The following UBE2E2 variants were observed in gnomAD, a reference collection of about 807,000 sequenced individuals.
UBE2E2 encodes the protein ubiquitin conjugating enzyme E2 E2, also known as ubiquitin-conjugating enzyme E2 E2.
UBE2E2 carries 6 observed loss-of-function variants against 24.7 expected under a neutral mutation model. That is an observed-to-expected ratio of 0.24 (90% confidence interval 0.13 to 0.48). The LOEUF is 0.48. Ranked by LOEUF, UBE2E2 falls within the 20% of genes least tolerant of loss-of-function variation. The pLI, the probability that UBE2E2 is intolerant of heterozygous loss-of-function variation, is 0.99. For synonymous variants in UBE2E2, 104 were observed against 83.6 expected (o/e 1.24, Z -1.33); for missense variants, 169 against 245.0 (o/e 0.69, Z 2.07).
intron 4 of UBE2E2, among the ~76,000 whole-genome samples, chr3:23,520,865 A>G (rs961533565): frequency 2.6e-5 from 4 of 151,948 alleles, no homozygotes; most frequent in Admixed American, 2.6e-4. Flanking sequence ...CTGGTCTCAG[A>G]TTTCTGGCCT....
chr3:23,575,593 A>G (rs1025352487), intron 5 of UBE2E2, among the ~76,000 whole-genome samples: 1 of 152,196 alleles, frequency 6.6e-6, no homozygotes, highest in Non-Finnish European at 1.5e-5. Flanking sequence ...ATACAGGTAC[A>G]ACGACAGATT....
intron 3 of UBE2E2, among the ~76,000 whole-genome samples, chr3:23,314,600 G>C (rs1199296438): frequency 6.6e-6 from 1 of 152,088 alleles, no homozygotes; most frequent in African/African-American, 2.4e-5. Context: ...TTTTCTTTCA[G>C]ATTGAAGAAT....
chr3:23,536,721 G>T (rs1340458254), intron 5 of UBE2E2, among the ~76,000 whole-genome samples: 1 of 152,206 alleles, frequency 6.6e-6, no homozygotes, highest in Non-Finnish European at 1.5e-5. Context: ...AATCCAGAAA[G>T]ATTGTAGATG....
chr3:23,470,763 T>C (rs1392145555), intron 3 of UBE2E2, among the ~76,000 whole-genome samples: 1 of 152,166 alleles, frequency 6.6e-6, no homozygotes, highest in Non-Finnish European at 1.5e-5. Flanking sequence ...TTAATAAGTA[T>C]ATATTCTGTT....
intron 3 of UBE2E2, among the ~76,000 whole-genome samples, chr3:23,301,281 A>G (rs565402408): frequency 2.0e-4 from 30 of 152,300 alleles, no homozygotes; most frequent in Admixed American, 9.8e-4. Context: ...TCTTCTCTCA[A>G]CTAATCAAAG....
chr3:23,320,676 C>T (rs1016690773), intron 3 of UBE2E2, among the ~76,000 whole-genome samples: 2 of 152,194 alleles, frequency 1.3e-5, no homozygotes, highest in African/African-American at 4.8e-5. Flanking sequence ...TAGCACAGAA[C>T]ATCCCTCTGA....
intron 5 of UBE2E2, among the ~76,000 whole-genome samples, chr3:23,544,997 T>C (rs1209444130): frequency 1.3e-5 from 2 of 152,182 alleles, no homozygotes; most frequent in East Asian, 3.9e-4. Context: ...CACATAAACA[T>C]CTCAATGCTT....
chr3:23,347,684 C>A (rs1321128244), intron 3 of UBE2E2, among the ~76,000 whole-genome samples: 1 of 152,080 alleles, frequency 6.6e-6, no homozygotes, highest in Admixed American at 6.5e-5. Context: ...CACATGTACC[C>A]TAAAACTTAA....
intron 3 of UBE2E2, among the ~76,000 whole-genome samples, chr3:23,432,431 G>A (rs1275595592): frequency 6.6e-6 from 1 of 151,892 alleles, no homozygotes; most frequent in Non-Finnish European, 1.5e-5. Context: ...ATTACTATAG[G>A]ACTTTAAACA....
At chr3:23,298,325 T>C (rs1158174654) in intron 3 of UBE2E2, among the ~76,000 whole-genome samples, 2 of 151,738 alleles carry the variant, frequency 1.3e-5, no homozygotes, top group Non-Finnish European at 3.0e-5. Flanking sequence ...CAACACTATG[T>C]TGAATAGGAG....
intron 3 of UBE2E2, among the ~76,000 whole-genome samples, chr3:23,376,645 G>T (rs1485983614): frequency 6.6e-6 from 1 of 152,008 alleles, no homozygotes; most frequent in Non-Finnish European, 1.5e-5. Flanking sequence ...GTTACCACAG[G>T]TAAGGTCCCT....
rs368285585 is a variant in UBE2E2 at position 23,384,801 on chromosome 3, A to G, written c.228-114807A>G. 3.9e-5 allele frequency among the ~76,000 whole-genome samples: 6 copies of G among 152,188 alleles called. No homozygotes were observed. In the East Asian group the frequency reaches 7.7e-4, roughly 20 times the overall value. On this transcript the variant is annotated intron_variant, in intron 3 of 5. Transcript: ENST00000396703. Reference sequence around the variant, plus strand: ...CGTGATCCGCCCACCTCGGCGTCCAAAAGTGCTGGGATTACAGGCGTGAGC... The same window carrying G: ...CGTGATCCGCCCACCTCGGCGTCCAGAAGTGCTGGGATTACAGGCGTGAGC...
chr3:23,482,736 G>A (rs1699284287), intron 3 of UBE2E2, among the ~76,000 whole-genome samples: 2 of 152,242 alleles, frequency 1.3e-5, no homozygotes, highest in Admixed American at 6.5e-5. Context: ...CCAGGTTTAT[G>A]AGATTAAATA....
chr3:23,460,954 T>C (rs1430929931), intron 3 of UBE2E2, among the ~76,000 whole-genome samples: 1 of 152,228 alleles, frequency 6.6e-6, no homozygotes, highest in Non-Finnish European at 1.5e-5. Context: ...TATTTTTGAT[T>C]TCTGCAGAAA....
chr3:23,486,274 A>G (rs967991321), intron 3 of UBE2E2, among the ~76,000 whole-genome samples: 7 of 152,170 alleles, frequency 4.6e-5, no homozygotes, highest in Non-Finnish European at 1.0e-4. Context: ...CAGATACACC[A>G]CAAGAGGCTT....
chr3:23,491,107 C>T lies in UBE2E2; in HGVS notation c.228-8501C>T, dbSNP rs530232181. Among the ~76,000 whole-genome samples, 20 of 152,218 alleles carry T rather than the reference C, an allele frequency of 1.3e-4. No homozygotes were observed. In the South Asian group the frequency reaches 2.5e-3, roughly 19 times the overall value. On this transcript the variant is annotated intron_variant, in intron 3 of 5. Coordinates refer to ENST00000396703, the MANE Select transcript of UBE2E2 (RefSeq NM_152653.4). Reference sequence around the variant, plus strand: ...GTATGAAATGGGTCTTTTCTATCAGCGCTATTATATCCTAACTTCCTAAGA... The same window carrying T: ...GTATGAAATGGGTCTTTTCTATCAGTGCTATTATATCCTAACTTCCTAAGA...
intron 5 of UBE2E2, among the ~76,000 whole-genome samples, chr3:23,574,346 T>G (rs984113659): frequency 1.3e-5 from 2 of 152,162 alleles, no homozygotes; most frequent in Non-Finnish European, 2.9e-5. Context: ...AAAAATAATT[T>G]AATTGTACAT....
chr3:23,369,780 A>G (rs910005210), intron 3 of UBE2E2, among the ~76,000 whole-genome samples: 1 of 152,160 alleles, frequency 6.6e-6, no homozygotes, highest in African/African-American at 2.4e-5. Flanking sequence ...CTTAATTTTG[A>G]TTGCATCCAG....
intron 5 of UBE2E2, among the ~76,000 whole-genome samples, chr3:23,578,531 A>G (rs1453405464): frequency 1.3e-5 from 2 of 152,234 alleles, no homozygotes; most frequent in Admixed American, 6.5e-5. Context: ...ATCAACCCAA[A>G]TGCTCATCAA....
Sources: allele counts gnomAD v4.1 joint callset (sites outside exome capture counted in the v4.1 genomes callset), GRCh38; gene constraint gnomAD v4.1.1; transcripts MANE v1.5; gene names NCBI Gene and HGNC (gene_info 2026-07-23, HGNC 2026-07-21).